Variants in ALG2 observed in about 807,000 individuals in gnomAD.
ALG2 encodes ALG2 alpha-1,3/1,6-mannosyltransferase.
In ALG2, 32 loss-of-function variants were observed where a neutral mutation model predicts 30.5. That is an observed-to-expected ratio of 1.05 (90% CI 0.79 to 1.41). The LOEUF is 1.41. Ranked by LOEUF, ALG2 falls within the 40% of genes most tolerant of loss-of-function variation. The pLI is 0.00. For missense variants in ALG2, 574 were observed against 526.4 expected (o/e 1.09, Z -0.88); for synonymous variants, 253 against 224.8 (o/e 1.13, Z -1.12).
intron 1 of ALG2, among the ~76,000 whole-genome samples, chr9:99,220,697 T>A (rs1828779137): frequency 6.6e-6 from 1 of 152,158 alleles, no homozygotes; most frequent in African/African-American, 2.4e-5. Context: ...AGTAGGTATG[T>A]CATAATACCA....
rs549796063 is a variant in ALG2, at chr9:99,216,575, T to C, written c.*1359A>G. ...AAACTGTAAAATGGAATTTCACCCA[T>C]TGAAGAGCCCCAAAAGAACAATATG... On this transcript the variant is annotated 3_prime_UTR_variant, in exon 2 of 2. Transcript: ENST00000476832. 1,179 of 454,102 alleles carry C rather than the reference T, an allele frequency of 2.6e-3. 23 individuals are homozygous for C. The highest frequency in any genetic ancestry group is 0.018 in the South Asian group (1,149 of 64,462). 28.1% of individuals were successfully genotyped at this position (454,102 alleles called of 1,614,324 possible).
chr9:99,220,924 A>G, intron 1 of ALG2: 1 of 1,319,588 alleles, frequency 7.6e-7, no homozygotes. Context: ...GGAAAAATGC[A>G]CGAAGGAAAG....
At position 99,221,750 on chromosome 9, in the gene ALG2, T is replaced by C. The variant is rs759980920; in HGVS notation, c.145A>G (p.Ile49Val). 1 of 1,598,946 alleles carries C rather than the reference T, an allele frequency of 6.3e-7. No individual in the cohort carries two copies. Among genetic ancestry groups the C allele is most frequent in the African/African-American group, 1.3e-5 (1 of 75,026 alleles). ...ALQARGCSVK[I>V]WTAHYDPGHC... ...CCCGGGTCGTAGTGCGCTGTCCAGATCTTCACGCTACACCCGCGCGCCTGC... is the reference window on the plus strand; with the variant it reads ...CCCGGGTCGTAGTGCGCTGTCCAGACCTTCACGCTACACCCGCGCGCCTGC... Residue 49 changes from isoleucine to valine, a missense_variant, in exon 1 of 2, where the codon ATC (isoleucine) becomes GTC (valine). By Grantham distance (29) the Ile-to-Val change is conservative. Transcript: ENST00000476832.
In ALG2 at chr9:99,217,889, C is replaced by T. The variant is rs1335914445; in HGVS notation, c.*45G>A. On this transcript the variant is annotated 3_prime_UTR_variant, in exon 2 of 2. Coordinates refer to ENST00000476832, the MANE Select transcript of ALG2 (RefSeq NM_033087.4). Reference sequence around the variant, plus strand: ...TTTTTTGGTTTCAAAACTGGGTCTACAATCCATAAAAATGACATTAATGGA... The same window carrying T: ...TTTTTTGGTTTCAAAACTGGGTCTATAATCCATAAAAATGACATTAATGGA... The T allele has an allele frequency of 1.9e-6, 3 of 1,599,908 alleles. No homozygotes were observed. Among genetic ancestry groups the T allele is most frequent in the African/African-American group, 1.3e-5 (1 of 74,734 alleles).
chr9:99,217,746 A>G lies in ALG2; in HGVS notation c.*188T>C, dbSNP rs773136928. 2.7e-6 allele frequency: 2 copies of G among 733,194 alleles called. No homozygotes were observed. The highest frequency in any genetic ancestry group is 2.7e-5 in the East Asian group (1 of 36,722). 45.4% of individuals were successfully genotyped at this position (733,194 alleles called of 1,614,324 possible). A position where few individuals can be genotyped will look rare whatever the true frequency, so the allele number is the denominator to read the frequency against. On this transcript the variant is annotated 3_prime_UTR_variant, in exon 2 of 2. Coordinates refer to ENST00000476832, the MANE Select transcript of ALG2 (RefSeq NM_033087.4). The stretch of plus-strand genomic sequence containing the variant: ...GCAAAATTTGGAATGATTATAGCAT[A>G]AAAGACATGGTTTTTCTGAAAAGTG...
At chr9:99,219,162 C>A (rs1055359709) in intron 1 of ALG2, among the ~76,000 whole-genome samples, 1 of 152,188 alleles carries the variant, frequency 6.6e-6, no homozygotes, top group Non-Finnish European at 1.5e-5. Flanking sequence ...AAAACATTAT[C>A]ATTTCAAAAT....
At position 99,221,760 on chromosome 9, in the gene ALG2, A is replaced by G. The variant is rs1828811282; in HGVS notation, c.135T>C (p.Cys45=). ...DAALALQARG[C]SVKIWTAHYD... Reference sequence around the variant, plus strand: ...AGTGCGCTGTCCAGATCTTCACGCTACACCCGCGCGCCTGCAGCGCCAGCG... The same window carrying G: ...AGTGCGCTGTCCAGATCTTCACGCTGCACCCGCGCGCCTGCAGCGCCAGCG... The change falls in exon 1 of 2, where the codon TGT becomes TGC. Residue 45 remains cysteine (C), a synonymous_variant. Transcript: ENST00000476832. 6.3e-7 allele frequency: 1 copy of G among 1,598,786 alleles called. No individual in the cohort carries two copies. The highest frequency in any genetic ancestry group is 8.5e-7 in the Non-Finnish European group (1 of 1,179,528).
chr9:99,218,478 C>G lies in ALG2; in HGVS notation c.707G>C (p.Arg236Thr), dbSNP rs1564217782. 6.2e-7 allele frequency: 1 copy of G among 1,614,176 alleles called. No homozygotes were observed. Among genetic ancestry groups the G allele is most frequent in the Non-Finnish European group, 8.5e-7 (1 of 1,180,032 alleles). Residue 236 changes from arginine to threonine, a missense_variant, in exon 2 of 2, where the codon AGG (arginine) becomes ACG (threonine). By Grantham distance (71) the Arg-to-Thr change is moderately conservative. Coordinates refer to ENST00000476832, the MANE Select transcript of ALG2 (RefSeq NM_033087.4). ...CAGTGCCAAAGTCAGATTTTTCTTC[C>G]TTTCGTATCTGTTGATGGAGAGCAG... ...FLLLSINRYERKKNLTLALEA... is the reference protein window; with the variant it reads ...FLLLSINRYETKKNLTLALEA...
rs746386853 is a variant in ALG2 at position 99,218,026 on chromosome 9, C to T, written c.1159G>A (p.Gly387Ser). 2 of 1,614,176 alleles carry T rather than the reference C, an allele frequency of 1.2e-6. No homozygotes were observed. Among genetic ancestry groups the T allele is most frequent in the South Asian group, 2.2e-5 (2 of 91,088 alleles). The change falls in exon 2 of 2, where the codon GGC becomes AGC. Residue 387 changes from glycine (G) to serine (S), a missense_variant. By Grantham distance (56) the Gly-to-Ser change is moderately conservative. Coordinates refer to ENST00000476832, the MANE Select transcript of ALG2 (RefSeq NM_033087.4). The part of the protein sequence containing the change: ...IREPSLKATM[G>S]LAGRARVKEK... ...TTCACTCTGGCTCTTCCAGCCAGGC[C>T]CATGGTGGCTTTTAAGGAAGGTTCA...
rs765525329 is a variant in ALG2 at position 99,221,715 on chromosome 9, G to GA, written c.179dup (p.Ala61ArgfsTer68). On this transcript the variant is annotated frameshift_variant, in exon 1 of 2. Coordinates refer to ENST00000476832, the MANE Select transcript of ALG2 (RefSeq NM_033087.4). LOFTEE classifies it high-confidence loss of function. ...GCACCGGTAGCTCGCGGCTCTCGGC[G>GA]AAACAGTGGCCCGGGTCGTAGTGCG... 12 of 1,596,616 alleles carry GA rather than the reference G, an allele frequency of 7.5e-6. No homozygotes were observed. The highest frequency in any genetic ancestry group is 2.2e-5 in the East Asian group (1 of 44,762).
intron 1 of ALG2, chr9:99,221,001 T>C: frequency 1.5e-6 from 2 of 1,352,604 alleles, no homozygotes; most frequent in Non-Finnish European, 2.0e-6. Flanking sequence ...CTTGAACTTT[T>C]CTCCAAAAAC....
intron 1 of ALG2, chr9:99,220,977 A>G: frequency 7.4e-7 from 1 of 1,352,312 alleles, no homozygotes; most frequent in Non-Finnish European, 9.8e-7. Flanking sequence ...GACATTATTT[A>G]CCAAGGTAAA....
Position 99,221,787 on chromosome 9 carries a change from C to G in ALG2, c.108G>C (p.Ala36=). Residue 36 remains alanine, a synonymous_variant, in exon 1 of 2, where the codon GCG becomes GCC. Coordinates refer to ENST00000476832, the MANE Select transcript of ALG2 (RefSeq NM_033087.4). ...ACCCGCGCGCCTGCAGCGCCAGCGC[C>G]GCGTCCAACACCAGCCGCTCAGCGC... ...VGGAERLVLD[A]ALALQARGCS... The G allele has an allele frequency of 6.3e-7, 1 of 1,598,272 alleles. No individual in the cohort carries two copies. The highest frequency in any genetic ancestry group is 1.1e-5 in the South Asian group (1 of 91,018).
Position 99,217,863 on chromosome 9 carries a change from C to CT in ALG2, c.*70dup, listed in dbSNP as rs1226601708. On this transcript the variant is annotated 3_prime_UTR_variant, in exon 2 of 2. Coordinates refer to ENST00000476832, the MANE Select transcript of ALG2 (RefSeq NM_033087.4). ...CTCTTCTGCATTAGATTCTAGGTTT[C>CT]TTTTTTGGTTTCAAAACTGGGTCTA... 3 of 1,534,460 alleles carry CT rather than the reference C, an allele frequency of 2.0e-6. No homozygotes were observed. Among genetic ancestry groups the CT allele is most frequent in the African/African-American group, 2.7e-5 (2 of 73,130 alleles).
chr9:99,219,112 G>A (rs1185851255), intron 1 of ALG2, among the ~76,000 whole-genome samples: 2 of 152,168 alleles, frequency 1.3e-5, no homozygotes, highest in African/African-American at 2.4e-5. Flanking sequence ...TATTAAAAAT[G>A]TTTTTAAGGG....
rs757166552 is a variant in ALG2, at chr9:99,217,845, G to C, written c.*89C>G. On this transcript the variant is annotated 3_prime_UTR_variant, in exon 2 of 2. Coordinates refer to ENST00000476832, the MANE Select transcript of ALG2 (RefSeq NM_033087.4). ...GTTTATTTTTTAAAAGATCTCTTCTGCATTAGATTCTAGGTTTCTTTTTTG... is the reference window on the plus strand; with the variant it reads ...GTTTATTTTTTAAAAGATCTCTTCTCCATTAGATTCTAGGTTTCTTTTTTG... 2.9e-6 allele frequency: 4 copies of C among 1,400,448 alleles called. No individual in the cohort carries two copies. The highest frequency in any genetic ancestry group is 4.0e-6 in the Non-Finnish European group (4 of 990,582). The allele number at this position is 1,400,448 out of a possible 1,614,324, so 86.8% of individuals were successfully genotyped here. A position where few individuals can be genotyped will look rare whatever the true frequency, so the allele number is the denominator to read the frequency against.
In ALG2 at chr9:99,221,666, G is replaced by T; in HGVS notation, c.229C>A (p.Arg77=). The part of the protein sequence containing the change: ...PVRCAGDWLP[R]GLGWGGRGAA... ...CCGCGGCCGCCCCAGCCCAGGCCTCGCGGCAGCCAGTCCCCGGCACAGCGC... is the reference window on the plus strand; with the variant it reads ...CCGCGGCCGCCCCAGCCCAGGCCTCTCGGCAGCCAGTCCCCGGCACAGCGC... The change falls in exon 1 of 2, where the codon CGA becomes AGA. Residue 77 remains arginine, a synonymous_variant. Coordinates refer to ENST00000476832, the MANE Select transcript of ALG2 (RefSeq NM_033087.4). The T allele has an allele frequency of 6.4e-7, 1 of 1,551,482 alleles. No individual in the cohort carries two copies.
chr9:99,221,870 G>C lies in ALG2; in HGVS notation c.25C>G (p.Arg9Gly). Residue 9 changes from arginine (R) to glycine (G), a missense_variant, in exon 1 of 2, where the codon CGG becomes GGG. Physicochemically the swap from Arg to Gly is moderately radical, Grantham distance 125 (BLOSUM62 -2). Coordinates refer to ENST00000476832, the MANE Select transcript of ALG2 (RefSeq NM_033087.4). MAEEQGRE[R>G]DSVPKPSVLF... ...ACCGACGGCTTGGGAACCGAGTCCCGTTCCCGGCCCTGCTCCTCCGCCATG... is the reference window on the plus strand; with the variant it reads ...ACCGACGGCTTGGGAACCGAGTCCCCTTCCCGGCCCTGCTCCTCCGCCATG... The C allele has an allele frequency of 1.3e-6, 2 of 1,590,362 alleles. No individual in the cohort carries two copies. Among genetic ancestry groups the C allele is most frequent in the African/African-American group, 2.7e-5 (2 of 74,844 alleles).
Position 99,218,635 on chromosome 9 carries a change from A to G in ALG2, c.550T>C (p.Phe184Leu), listed in dbSNP as rs761193460. 4 of 1,614,192 alleles carry G rather than the reference A, an allele frequency of 2.5e-6. No homozygotes were observed. Among genetic ancestry groups the G allele is most frequent in the Non-Finnish European group, 2.5e-6 (3 of 1,180,022 alleles). ...GACAGGGACTTGAATGTTTCCTTAAAAACAGCAGCTGTGAACTGGCTGTTG... is the reference window on the plus strand; with the variant it reads ...GACAGGGACTTGAATGTTTCCTTAAGAACAGCAGCTGTGAACTGGCTGTTG... ...LVNSQFTAAV[F>L]KETFKSLSHI... Residue 184 changes from phenylalanine (F) to leucine (L), a missense_variant, in exon 2 of 2, where the codon TTT becomes CTT. By Grantham distance (22) the Phe-to-Leu change is conservative (BLOSUM62 0). Transcript: ENST00000476832.
Sources: allele counts gnomAD v4.1 joint callset (sites outside exome capture counted in the v4.1 genomes callset), GRCh38; gene constraint gnomAD v4.1.1; transcripts MANE v1.5; gene names NCBI Gene and HGNC (gene_info 2026-07-23, HGNC 2026-07-21).